The following OTUD7B variants were observed in gnomAD, a reference collection of about 807,000 sequenced individuals.
OTUD7B encodes the protein OTU deubiquitinase 7B, also known as OTU domain-containing protein 7B.
A neutral mutation model predicts 82.2 loss-of-function variants in OTUD7B; 34 were observed. The ratio of observed to expected loss-of-function variants is 0.41; its 90% CI spans 0.31 to 0.55. The LOEUF is 0.55. OTUD7B is among the 20% of genes least tolerant of loss of function. OTUD7B has a pLI of 0.20. For missense variants in OTUD7B, 944 were observed against 1,062.1 expected, an observed-to-expected ratio of 0.89 and a Z score of 1.55; for synonymous variants, 398 against 402.7, an observed-to-expected ratio of 0.99 and a Z score of 0.14.
chr1:150,043,889 T>G, the OTUD7B span, among the ~76,000 whole-genome samples: 1 of 152,180 alleles, frequency 6.6e-6, no homozygotes, highest in South Asian at 2.1e-4. Context: ...GGCTAAAGGA[T>G]TACAAGATTA....
upstream of OTUD7B, among the ~76,000 whole-genome samples, chr1:150,014,958 A>G (rs1445677658): frequency 6.6e-6 from 1 of 152,186 alleles, no homozygotes; most frequent in Admixed American, 6.5e-5. Context: ...ACATTTAACC[A>G]GGTTAAACAT....
In OTUD7B at chr1:149,944,239, C is replaced by T; in HGVS notation, c.2150G>A (p.Gly717Glu). ...HCQEPRRQLA[G>E]GPCVGGLPPY... ...TGGTAGGCCCCCGACACATGGACCC[C>T]CTGCCAACTGCCTCCGGGGTTCCTG... is the stretch of plus-strand genomic sequence containing the variant. Residue 717 changes from glycine to glutamate, a missense_variant, in exon 12 of 12, where the codon GGG (glycine) becomes GAG (glutamate). By Grantham distance (98) the Gly-to-Glu change is moderately conservative. Transcript: ENST00000581312. The T allele has an allele frequency of 6.2e-7, 1 of 1,612,534 alleles. No individual in the cohort carries two copies. The highest frequency in any genetic ancestry group is 8.5e-7 in the Non-Finnish European group (1 of 1,179,032).
the OTUD7B span, among the ~76,000 whole-genome samples, chr1:150,036,211 C>T: frequency 2.0e-5 from 3 of 151,736 alleles, no homozygotes; most frequent in Admixed American, 6.6e-5. Flanking sequence ...ACCTGGGCAT[C>T]CCAAAGTGCT....
chr1:149,957,740 C>T (rs6680574), intron 7 of OTUD7B, among the ~76,000 whole-genome samples: 2,922 of 152,334 alleles, frequency 0.019, 80 homozygotes, highest in African/African-American at 0.064. Flanking sequence ...CAATGGCGGA[C>T]GCCCCTCTCC....
chr1:149,977,126 TAAATAAATA>T (rs1645624400), intron 2 of OTUD7B, among the ~76,000 whole-genome samples: 1 of 151,914 alleles, frequency 6.6e-6, no homozygotes, highest in South Asian at 2.1e-4. Context: ...GTCTCAAAAA[TAAATAAATA>T]AAATAAAATA....
At chr1:150,060,588 G>A in the OTUD7B span, among the ~76,000 whole-genome samples, 1 of 152,170 alleles carries the variant, frequency 6.6e-6, no homozygotes, top group Non-Finnish European at 1.5e-5. Context: ...CATAGCATCT[G>A]ACATACAAGA....
chr1:150,034,236 G>C, the OTUD7B span, among the ~76,000 whole-genome samples: 1 of 152,098 alleles, frequency 6.6e-6, no homozygotes, highest in African/African-American at 2.4e-5. Context: ...CATATACATA[G>C]TTTGGCCCTA....
intron 1 of OTUD7B, among the ~76,000 whole-genome samples, chr1:149,983,113 C>G (rs1650896968): frequency 6.6e-6 from 1 of 152,144 alleles, no homozygotes; most frequent in Non-Finnish European, 1.5e-5. Context: ...CCTTGGCCTC[C>G]CAAAGTGCTG....
chr1:150,051,229 CAA>C, the OTUD7B span, among the ~76,000 whole-genome samples: 833 of 96,942 alleles, frequency 8.6e-3, 8 homozygotes, highest in African/African-American at 0.032. Context: ...GACTTCGCCT[CAA>C]AAAAAAAAAA....
chr1:150,019,983 A>T, the OTUD7B span, among the ~76,000 whole-genome samples: 2 of 152,130 alleles, frequency 1.3e-5, no homozygotes, highest in Non-Finnish European at 2.9e-5. Context: ...CAAAATTTTT[A>T]AAATTAGCCA....
chr1:150,019,675 G>C, the OTUD7B span, among the ~76,000 whole-genome samples: 1 of 151,614 alleles, frequency 6.6e-6, no homozygotes, highest in East Asian at 2.0e-4. Flanking sequence ...TTTCCTTAAA[G>C]GGAAATTTAT....
chr1:149,973,013 C>T (rs1180380273), intron 2 of OTUD7B, among the ~76,000 whole-genome samples: 1 of 152,160 alleles, frequency 6.6e-6, no homozygotes, highest in Non-Finnish European at 1.5e-5. Context: ...CCTCAGATTG[C>T]ACTCTTCCTC....
At chr1:150,051,613 T>C in the OTUD7B span, among the ~76,000 whole-genome samples, 1 of 152,204 alleles carries the variant, frequency 6.6e-6, no homozygotes, top group Non-Finnish European at 1.5e-5. Context: ...AAGGAAGTTA[T>C]TCAACTTCTC....
At chr1:150,045,897 A>C in the OTUD7B span, among the ~76,000 whole-genome samples, 1 of 152,208 alleles carries the variant, frequency 6.6e-6, no homozygotes, top group Non-Finnish European at 1.5e-5. Flanking sequence ...TAAAAAAGAG[A>C]CACAAGCCTT....
At chr1:150,059,048 C>CTTTTTTTTTT in the OTUD7B span, among the ~76,000 whole-genome samples, 7 of 140,994 alleles carry the variant, frequency 5.0e-5, no homozygotes, top group African/African-American at 1.9e-4. Context: ...TTCTTACTTT[C>CTTTTTTTTTT]TTTTCTTTTT....
At chr1:150,049,390 C>T in the OTUD7B span, among the ~76,000 whole-genome samples, 1 of 152,026 alleles carries the variant, frequency 6.6e-6, no homozygotes, top group African/African-American at 2.4e-5. Flanking sequence ...CGTGGTTAGT[C>T]AGGATGTTGC....
At chr1:150,063,504 T>G in the OTUD7B span, among the ~76,000 whole-genome samples, 1 of 152,134 alleles carries the variant, frequency 6.6e-6, no homozygotes, top group Non-Finnish European at 1.5e-5. Flanking sequence ...AGAAATCCAG[T>G]TTCTTTGGCC....
chr1:150,014,058 A>ATGTGTGTGTGTG (rs782449466), upstream of OTUD7B, among the ~76,000 whole-genome samples: 4 of 87,496 alleles, frequency 4.6e-5, no homozygotes, highest in East Asian at 8.3e-4. Context: ...GTGTATATAT[A>ATGTGTGTGTGTG]TGTGTGTGTG....
At chr1:150,059,375 T>G in the OTUD7B span, among the ~76,000 whole-genome samples, 6 of 52 alleles carry the variant, frequency 0.12, no homozygotes, top group East Asian at 0.3. Flanking sequence ...ATATTCTTTC[T>G]TTTTTTTTTT....
Sources: gnomAD v4.1 joint callset for allele counts (sites outside exome capture counted in the v4.1 genomes callset) on GRCh38, gnomAD v4.1.1 for gene constraint, MANE v1.5 for transcripts, NCBI Gene and HGNC (gene_info 2026-07-23, HGNC 2026-07-21) for gene names.